FBXW8: variants seen among roughly 807,000 people sequenced by gnomAD.
The protein encoded by FBXW8 is F-box/WD repeat-containing protein 8.
FBXW8 carries 57 observed loss-of-function variants against 65.3 expected under a neutral mutation model. The observed-to-expected ratio is 0.87, with a 90% CI of 0.71 to 1.09. The LOEUF (loss-of-function observed/expected upper bound fraction) is 1.09. Ranked by LOEUF, FBXW8 falls within the 50% of genes least tolerant of loss-of-function variation. The pLI is 0.00. For missense variants in FBXW8, 777 were observed against 814.8 expected, an observed-to-expected ratio of 0.95 and a Z score of 0.57; for synonymous variants, 308 against 330.2, an observed-to-expected ratio of 0.93 and a Z score of 0.73.
At chr12:116,976,421 A>C (rs1592911142) in intron 5 of FBXW8, among the ~76,000 whole-genome samples, 1 of 146,142 alleles carries the variant, frequency 6.8e-6, no homozygotes, top group Non-Finnish European at 1.5e-5. Flanking sequence ...ATGAGTACCT[A>C]ATCTTTGGTA....
In FBXW8 at chr12:116,964,787, T is replaced by A. The variant is rs769071593; in HGVS notation, c.768T>A (p.Pro256=). ...AATCAGAGGACGAGGAGGATGAGCC[T>A]GGAATGCAGCCAAATGTCTCCTTTG... ...FLESEDEEDE[P]GMQPNVSFVR... Residue 256 remains proline, a synonymous_variant, in exon 5 of 11, where the codon CCT becomes CCA. Coordinates refer to ENST00000652555, the MANE Select transcript of FBXW8 (RefSeq NM_153348.3). 70 of 1,613,218 alleles carry A rather than the reference T, an allele frequency of 4.3e-5. No homozygotes were observed. The highest frequency in any genetic ancestry group is 3.6e-4 in the Middle Eastern group (2 of 5,528).
At chr12:117,022,024 T>C (rs1356959279) in intron 8 of FBXW8, among the ~76,000 whole-genome samples, 2 of 152,226 alleles carry the variant, frequency 1.3e-5, no homozygotes, top group Non-Finnish European at 2.9e-5. Context: ...GCTTTGGTAA[T>C]AGAATGCTGG....
intron 7 of FBXW8, among the ~76,000 whole-genome samples, chr12:117,006,983 G>GA (rs1314756457): frequency 6.6e-6 from 1 of 151,816 alleles, no homozygotes; most frequent in Non-Finnish European, 1.5e-5. Context: ...TCCCATTTAG[G>GA]AAAAAAATGT....
intron 4 of FBXW8, among the ~76,000 whole-genome samples, chr12:116,960,937 G>T (rs1223649560): frequency 6.6e-6 from 1 of 152,168 alleles, no homozygotes; most frequent in Non-Finnish European, 1.5e-5. Flanking sequence ...ACCTTGAGGG[G>T]TTGGTAGGAT....
In FBXW8 at chr12:117,029,684, A is replaced by G. The variant is rs1223781316; in HGVS notation, c.*1512A>G. ...GAGTGCAATGGCCTGATCTCGGCTC[A>G]CTGCAACCTCTGCCTCCCGAGTTCA... On this transcript the variant is annotated 3_prime_UTR_variant, in exon 11 of 11. Transcript: ENST00000652555. 1 of 152,156 alleles carries G rather than the reference A, an allele frequency of 6.6e-6. No individual in the cohort carries two copies. Among genetic ancestry groups the G allele is most frequent in the Non-Finnish European group, 1.5e-5 (1 of 68,066 alleles). The allele number at this position is 152,156 out of a possible 1,614,324, so 9.4% of individuals were successfully genotyped here.
At chr12:117,015,146 T>A (rs1953921486) in intron 8 of FBXW8, among the ~76,000 whole-genome samples, 1 of 152,180 alleles carries the variant, frequency 6.6e-6, no homozygotes, top group Non-Finnish European at 1.5e-5. Flanking sequence ...TCTAGCTTCT[T>A]GCACCACCAC....
At chr12:116,952,372 C>T (rs1393630665) in intron 4 of FBXW8, among the ~76,000 whole-genome samples, 1 of 152,320 alleles carries the variant, frequency 6.6e-6, no homozygotes, top group East Asian at 1.9e-4. Context: ...AAAATTCACT[C>T]TTTCAAAGTG....
At chr12:116,986,576 C>G (rs933281371) in intron 6 of FBXW8, 5 of 151,106 alleles carry the variant, frequency 3.3e-5, no homozygotes, top group African/African-American at 1.2e-4. Flanking sequence ...TGCAGTGAGC[C>G]GAGATCGCCA....
At chr12:116,999,801 A>G (rs148041386) in intron 7 of FBXW8, among the ~76,000 whole-genome samples, 35 of 152,262 alleles carry the variant, frequency 2.3e-4, no homozygotes, top group Admixed American at 1.6e-3. Flanking sequence ...GCCATCCTCA[A>G]TGTGCCACAT....
At chr12:116,922,485 C>T (rs571927077) in intron 1 of FBXW8, among the ~76,000 whole-genome samples, 4 of 152,284 alleles carry the variant, frequency 2.6e-5, no homozygotes, top group African/African-American at 9.6e-5. Flanking sequence ...CTTTCATGTC[C>T]TCTTTGCCCT....
intron 1 of FBXW8, among the ~76,000 whole-genome samples, chr12:116,921,821 A>C (rs1488680034): frequency 8.0e-6 from 1 of 125,480 alleles, no homozygotes; most frequent in Non-Finnish European, 1.7e-5. Flanking sequence ...TGTATTTCTG[A>C]CTTTTTTTTT....
chr12:116,968,041 T>A (rs1442245670), intron 5 of FBXW8, among the ~76,000 whole-genome samples: 1 of 152,208 alleles, frequency 6.6e-6, no homozygotes, highest in Non-Finnish European at 1.5e-5. Context: ...AGTGCTGGGA[T>A]TACAGGCTTG....
At chr12:116,988,592 A>AG in intron 6 of FBXW8, 71 bp from the exon 7 acceptor site, 1 of 1,326,570 alleles carries the variant, frequency 7.5e-7, no homozygotes, top group Non-Finnish European at 1.1e-6. Context: ...ATTGATGTGT[A>AG]GGTGGAATTG....
chr12:116,958,289 A>G (rs377007272), intron 4 of FBXW8, among the ~76,000 whole-genome samples: 1 of 152,240 alleles, frequency 6.6e-6, no homozygotes, highest in Non-Finnish European at 1.5e-5. Flanking sequence ...TCTTGCTTTT[A>G]TTGATTGGTA....
intron 7 of FBXW8, 58 bp downstream of exon 7, chr12:116,988,927 A>C (rs995356464): frequency 1.3e-6 from 2 of 1,497,544 alleles, no homozygotes; most frequent in African/African-American, 1.4e-5. Flanking sequence ...ATTTTTTAGA[A>C]GGGAATTGAA....
chr12:117,025,772 C>G (rs548646561), intron 9 of FBXW8, among the ~76,000 whole-genome samples: 18 of 152,298 alleles, frequency 1.2e-4, no homozygotes, highest in Admixed American at 2.6e-4. Flanking sequence ...TTCCCGGAAG[C>G]ATTGCCTTTG....
At position 117,014,218 on chromosome 12, in the gene FBXW8, G is replaced by C. The variant is rs548807967; in HGVS notation, c.1367+3768G>C. Among the ~76,000 whole-genome samples the C allele has an allele frequency of 2.0e-5, 3 of 152,214 alleles. No individual in the cohort carries two copies. In the South Asian group the frequency reaches 6.2e-4, roughly 32 times the overall value. On this transcript the variant is annotated intron_variant, in intron 8 of 10. Transcript: ENST00000652555. Reference sequence around the variant, plus strand: ...TGTGTCATCTCCATTCTGCTGTTGAGCCTATCCAGTGAATCTTTTATTTCA... The same window carrying C: ...TGTGTCATCTCCATTCTGCTGTTGACCCTATCCAGTGAATCTTTTATTTCA...
At chr12:116,966,654 C>T (rs1020635214) in intron 5 of FBXW8, among the ~76,000 whole-genome samples, 1 of 152,148 alleles carries the variant, frequency 6.6e-6, no homozygotes, top group African/African-American at 2.4e-5. Context: ...GAATTGTCTT[C>T]ATTGCCCTCA....
At chr12:116,968,150 AGT>A (rs1884441001) in intron 5 of FBXW8, among the ~76,000 whole-genome samples, 1 of 152,182 alleles carries the variant, frequency 6.6e-6, no homozygotes, top group Non-Finnish European at 1.5e-5. Context: ...TCTAAAAGTG[AGT>A]GGGGTTATTT....
Sources: gnomAD v4.1 joint callset for allele counts (sites outside exome capture counted in the v4.1 genomes callset) on GRCh38, gnomAD v4.1.1 for gene constraint, MANE v1.5 for transcripts, NCBI Gene and HGNC (gene_info 2026-07-23, HGNC 2026-07-21) for gene names.